The following TFDP2 variants were observed in gnomAD, a reference collection of about 807,000 sequenced individuals.
TFDP2 encodes the protein transcription factor Dp-2.
A neutral mutation model predicts 59.3 loss-of-function variants in TFDP2; 17 were observed. The observed-to-expected ratio is 0.29, with a 90% confidence interval of 0.20 to 0.43. TFDP2 has a LOEUF of 0.43. TFDP2 is among the 20% of genes least tolerant of loss of function. TFDP2 has a pLI of 1.00. For missense variants in TFDP2, 391 were observed against 528.8 expected (o/e 0.74, Z 2.56); for synonymous variants, 180 against 194.7 (o/e 0.92, Z 0.63).
At chr3:142,093,217 C>T (rs2061055250) in intron 2 of TFDP2, 90 bp from the exon 3 acceptor site, 1 of 745,488 alleles carries the variant, frequency 1.3e-6, no homozygotes, top group Admixed American at 3.0e-5. Flanking sequence ...ATCAGACATC[C>T]ATATCAAATA....
chr3:142,112,955 T>C (rs1054263445), intron 1 of TFDP2, among the ~76,000 whole-genome samples: 1 of 152,234 alleles, frequency 6.6e-6, no homozygotes, highest in Non-Finnish European at 1.5e-5. Context: ...GGGCAAAAAC[T>C]TACTTCTGTC....
intron 3 of TFDP2, 169 bp downstream of exon 3, chr3:142,092,892 G>A (rs959685652): frequency 2.2e-6 from 1 of 448,750 alleles, no homozygotes; most frequent in East Asian, 3.6e-5. Context: ...AAAATCCTCC[G>A]TCTGTCAGAG....
At chr3:141,959,515 C>G (rs1157217399) in intron 11 of TFDP2, among the ~76,000 whole-genome samples, 159 bp downstream of exon 11, 1 of 152,118 alleles carries the variant, frequency 6.6e-6, no homozygotes, top group Non-Finnish European at 1.5e-5. Context: ...ACTATTTAAT[C>G]TAATTTTTGA....
chr3:142,051,863 T>C (rs1193059733), intron 3 of TFDP2, among the ~76,000 whole-genome samples: 3 of 151,958 alleles, frequency 2.0e-5, no homozygotes, highest in Non-Finnish European at 2.9e-5. Context: ...TAGTGACTCA[T>C]GTTTGTAATC....
intron 3 of TFDP2, among the ~76,000 whole-genome samples, chr3:142,027,501 T>A (rs185306333): frequency 6.6e-6 from 1 of 151,640 alleles, no homozygotes; most frequent in Non-Finnish European, 1.5e-5. Context: ...TCCCTCTCCC[T>A]CTCCCACTCC....
intron 3 of TFDP2, among the ~76,000 whole-genome samples, chr3:142,057,517 T>C (rs1199553352): frequency 2.0e-5 from 3 of 152,188 alleles, no homozygotes; most frequent in African/African-American, 7.2e-5. Flanking sequence ...CAGAAAGGAA[T>C]TTTTGAAATC....
chr3:141,992,764 T>C (rs1401188242), intron 6 of TFDP2, among the ~76,000 whole-genome samples: 1 of 152,262 alleles, frequency 6.6e-6, no homozygotes, highest in Non-Finnish European at 1.5e-5. Flanking sequence ...CCCATGGTTC[T>C]CACTCAGAAC....
intron 1 of TFDP2, among the ~76,000 whole-genome samples, chr3:142,117,110 G>A (rs1056706624): frequency 5.3e-5 from 8 of 152,078 alleles, no homozygotes; most frequent in Admixed American, 2.0e-4. Context: ...TAGTAGAGAC[G>A]AGGTTGCACC....
intron 10 of TFDP2, among the ~76,000 whole-genome samples, chr3:141,960,067 C>T (rs373264788): frequency 2.5e-4 from 38 of 152,248 alleles, no homozygotes; most frequent in African/African-American, 9.1e-4. Flanking sequence ...GATAGAAACC[C>T]ACAAACTTTA....
At chr3:141,955,112 T>C (rs1936434324) in intron 11 of TFDP2, among the ~76,000 whole-genome samples, 1 of 152,190 alleles carries the variant, frequency 6.6e-6, no homozygotes, top group Non-Finnish European at 1.5e-5. Flanking sequence ...TATAGAAACC[T>C]TCTGTCAGAA....
chr3:142,014,695 A>G (rs1944989588), intron 3 of TFDP2, among the ~76,000 whole-genome samples: 1 of 152,110 alleles, frequency 6.6e-6, no homozygotes. Context: ...TTCTTGTCTA[A>G]AAAACATCCC....
chr3:142,078,400 T>A (rs867204625), intron 3 of TFDP2, among the ~76,000 whole-genome samples: 1 of 152,200 alleles, frequency 6.6e-6, no homozygotes, highest in Non-Finnish European at 1.5e-5. Context: ...GGGATACTTA[T>A]GTAACCCCTC....
At chr3:142,000,170 GTAAT>G (rs1404093696) in intron 4 of TFDP2, 1 of 651,692 alleles carries the variant, frequency 1.5e-6, no homozygotes, top group Non-Finnish European at 2.8e-6. Context: ...CTTAGACTGG[GTAAT>G]TAATTAATTT....
chr3:142,067,568 T>C (rs894921410), intron 3 of TFDP2, among the ~76,000 whole-genome samples: 1 of 152,270 alleles, frequency 6.6e-6, no homozygotes, highest in Admixed American at 6.5e-5. Context: ...TACAGATTCA[T>C]TGCAATCTCA....
rs1190435946 is a variant in TFDP2 at position 141,946,463 on chromosome 3, T to G, written c.*6050A>C. 6.6e-6 allele frequency: 1 copy of G among 152,184 alleles called. No homozygotes were observed. Among genetic ancestry groups the G allele is most frequent in the Non-Finnish European group, 1.5e-5 (1 of 68,030 alleles). 9.4% of individuals were successfully genotyped at this position (152,184 alleles called of 1,614,324 possible). On this transcript the variant is annotated 3_prime_UTR_variant, in exon 13 of 13. Transcript: ENST00000489671. ...GAGAACAGCTGCACAGAATACACAT[T>G]ATAAATGAGCACTTTCTCCTATCTC...
At chr3:142,066,553 G>T (rs347692) in intron 3 of TFDP2, among the ~76,000 whole-genome samples, 113,345 of 152,050 alleles carry the variant, frequency 0.75, 42,275 homozygotes, top group South Asian at 0.81. Context: ...GTGAAAAACA[G>T]AACAGTGGTA....
At chr3:142,043,184 C>A in intron 3 of TFDP2, among the ~76,000 whole-genome samples, 1 of 145,232 alleles carries the variant, frequency 6.9e-6, no homozygotes, top group East Asian at 2.1e-4. Context: ...GTAGCTGGGA[C>A]TACAGGCTCC....
chr3:142,130,777 C>T (rs1211408459), intron 1 of TFDP2, among the ~76,000 whole-genome samples: 6 of 151,988 alleles, frequency 3.9e-5, no homozygotes, highest in South Asian at 2.1e-4. Context: ...ATGGGCAGGG[C>T]GCGGTGGCTC....
rs1431761408 is a variant in TFDP2 at position 142,029,988 on chromosome 3, G to A, written c.83-24444C>T. Among the ~76,000 whole-genome samples the A allele has an allele frequency of 2.0e-5, 3 of 152,136 alleles. No homozygotes were observed. In the East Asian group the frequency reaches 5.8e-4, roughly 29 times the overall value. ...TCACCTATTCTGAAATATTCCCCTT[G>A]GAAAGTATGTCTTGACAACAGCTCC... On this transcript the variant is annotated intron_variant, in intron 3 of 12. Transcript: ENST00000489671.
Sources: gnomAD v4.1 joint callset for allele counts (sites outside exome capture counted in the v4.1 genomes callset) on GRCh38, gnomAD v4.1.1 for gene constraint, MANE v1.5 for transcripts, NCBI Gene and HGNC (gene_info 2026-07-23, HGNC 2026-07-21) for gene names.